Variants in MACROD2 observed in about 807,000 individuals in gnomAD.
The protein encoded by MACROD2 is ADP-ribose glycohydrolase MACROD2.
MACROD2 carries 36 observed loss-of-function variants against 70.4 expected under a neutral mutation model. The ratio of observed to expected loss-of-function variants is 0.51; its 90% CI spans 0.39 to 0.68. The LOEUF (loss-of-function observed/expected upper bound fraction) is 0.68. MACROD2 is among the 30% of genes least tolerant of loss of function. The probability of loss-of-function intolerance (pLI) is 0.00; values close to 1 mark genes in which losing one functional copy is unlikely to be tolerated. For missense variants in MACROD2, 496 were observed against 538.4 expected (o/e 0.92, Z 0.78); for synonymous variants, 172 against 178.8 (o/e 0.96, Z 0.30).
chr20:15,016,645 T>G (rs1261751088), intron 5 of MACROD2, among the ~76,000 whole-genome samples: 2 of 152,102 alleles, frequency 1.3e-5, no homozygotes, highest in Non-Finnish European at 2.9e-5. Flanking sequence ...TATTAGTTTG[T>G]TTTCATGCTG....
chr20:15,037,216 A>G (rs1223609734), intron 5 of MACROD2, among the ~76,000 whole-genome samples: 6 of 151,954 alleles, frequency 3.9e-5, no homozygotes, highest in African/African-American at 1.2e-4. Flanking sequence ...ACATCTTTAC[A>G]TTTTTACTCT....
At chr20:14,268,984 A>G (rs62207581) in intron 3 of MACROD2, among the ~76,000 whole-genome samples, 28,107 of 152,146 alleles carry the variant, frequency 0.18, 2,873 homozygotes, top group South Asian at 0.33. Context: ...TGTTGGCGTA[A>G]TAACACACAG....
Position 14,510,735 on chromosome 20 carries a change from G to A in MACROD2, c.301+17227G>A, listed in dbSNP as rs1213137235. On this transcript the variant is annotated intron_variant, in intron 4 of 17. Coordinates refer to ENST00000684519, the MANE Select transcript of MACROD2 (RefSeq NM_001351661.2). The stretch of plus-strand genomic sequence containing the variant: ...TTTTATCTTCAGGAGGGCACAAATA[G>A]CCTCTATCTGATTTCCCTATCCCAT... 5.3e-5 allele frequency among the ~76,000 whole-genome samples: 8 copies of A among 152,140 alleles called. No homozygotes were observed. The East Asian group carries it at 1.4e-3, about 26-fold the overall frequency.
chr20:15,981,936 T>C (rs531278093), intron 13 of MACROD2, among the ~76,000 whole-genome samples: 1 of 152,264 alleles, frequency 6.6e-6, no homozygotes, highest in Admixed American at 6.5e-5. Flanking sequence ...AGACCAGTAT[T>C]GACACATTTT....
At chr20:14,294,415 A>G (rs751548420) in intron 3 of MACROD2, among the ~76,000 whole-genome samples, 3 of 151,430 alleles carry the variant, frequency 2.0e-5, no homozygotes, top group African/African-American at 2.4e-5. Flanking sequence ...GTGAGCAGTA[A>G]TCATGAGGAT....
intron 8 of MACROD2, among the ~76,000 whole-genome samples, chr20:15,772,116 A>G (rs1351720918): frequency 7.1e-6 from 1 of 141,450 alleles, no homozygotes; most frequent in African/African-American, 2.6e-5. Flanking sequence ...ATATATATAT[A>G]TATATATATA....
chr20:14,183,319 T>C (rs2081319543), intron 3 of MACROD2, among the ~76,000 whole-genome samples: 1 of 151,876 alleles, frequency 6.6e-6, no homozygotes. Context: ...CTAAGGATAA[T>C]GGCCTTTAGC....
chr20:15,792,783 A>G (rs992339844), intron 8 of MACROD2, among the ~76,000 whole-genome samples: 1 of 152,210 alleles, frequency 6.6e-6, no homozygotes, highest in African/African-American at 2.4e-5. Flanking sequence ...TGGAATATAC[A>G]TTTCTTCATG....
chr20:14,319,806 T>C (rs1396207470), intron 3 of MACROD2, among the ~76,000 whole-genome samples: 2 of 152,192 alleles, frequency 1.3e-5, no homozygotes, highest in African/African-American at 4.8e-5. Context: ...TTCTTTGATG[T>C]GGATTCTTCT....
intron 5 of MACROD2, among the ~76,000 whole-genome samples, chr20:14,788,516 G>T (rs577600793): frequency 7.4e-5 from 11 of 149,138 alleles, no homozygotes; most frequent in South Asian, 2.1e-4. Flanking sequence ...AGCTTAGGAG[G>T]TTGAGGGTGC....
Position 15,606,156 on chromosome 20 carries a change from G to A in MACROD2, c.645+106309G>A, listed in dbSNP as rs578200402. The stretch of plus-strand genomic sequence containing the variant: ...CTCCAAATCTATTCTCCGCCTGTGT[G>A]AGCCATCTGAAAAAGGCAAATTCAC... On this transcript the variant is annotated intron_variant, in intron 8 of 17. Transcript: ENST00000684519. Among the ~76,000 whole-genome samples the A allele has an allele frequency of 2.0e-5, 3 of 152,182 alleles. No individual in the cohort carries two copies. The South Asian group carries it at 6.2e-4, about 32-fold the overall frequency.
chr20:14,729,971 AT>A (rs140459702), intron 5 of MACROD2, among the ~76,000 whole-genome samples: 1,855 of 152,190 alleles, frequency 0.012, 39 homozygotes, highest in African/African-American at 0.042. Flanking sequence ...TTATTAAACC[AT>A]TTTTTTAGGA....
At chr20:15,832,696 G>A (rs530532956) in intron 8 of MACROD2, among the ~76,000 whole-genome samples, 68 of 152,348 alleles carry the variant, frequency 4.5e-4, no homozygotes, top group African/African-American at 1.5e-3. Context: ...GGCACACAAA[G>A]CCGAACAGGG....
At position 15,551,847 on chromosome 20, in the gene MACROD2, A is replaced by G. The variant is rs1600577295; in HGVS notation, c.645+52000A>G. Among the ~76,000 whole-genome samples, 5 of 144,558 alleles carry G rather than the reference A, an allele frequency of 3.5e-5. 1 individual carries two copies. 94.8% of individuals were successfully genotyped at this position (144,558 alleles called of 152,430 possible). Reference sequence around the variant, plus strand: ...TAGCATCCCTGCACTCCAGCCTGGCAGACAGAGTGAGACCCTGCCTCAAAA... The same window carrying G: ...TAGCATCCCTGCACTCCAGCCTGGCGGACAGAGTGAGACCCTGCCTCAAAA... On this transcript the variant is annotated intron_variant, in intron 8 of 17. Transcript: ENST00000684519.
intron 5 of MACROD2, among the ~76,000 whole-genome samples, chr20:14,901,951 T>G (rs2122553133): frequency 6.6e-6 from 1 of 152,250 alleles, no homozygotes; most frequent in African/African-American, 2.4e-5. Context: ...GAAGTCTATG[T>G]CAAAGCTTTC....
At chr20:16,049,764 A>G in intron 17 of MACROD2, 66 bp from the exon 18 acceptor site, 13 of 1,539,070 alleles carry the variant, frequency 8.4e-6, no homozygotes, top group Admixed American at 1.7e-5. Context: ...TTAAAAATGT[A>G]TTCCTTGCTA....
intron 10 of MACROD2, among the ~76,000 whole-genome samples, chr20:15,891,960 C>A (rs954654973): frequency 2.6e-5 from 4 of 152,040 alleles, no homozygotes; most frequent in African/African-American, 9.7e-5. Flanking sequence ...GCTACGGGAG[C>A]CAAGAAACTT....
chr20:14,756,917 T>C (rs2071948847), intron 5 of MACROD2, among the ~76,000 whole-genome samples: 1 of 152,078 alleles, frequency 6.6e-6, no homozygotes, highest in Admixed American at 6.6e-5. Context: ...CCCTTGGCTC[T>C]TTTCTCATTC....
chr20:14,473,769 G>T (rs2084557922), intron 3 of MACROD2, among the ~76,000 whole-genome samples: 2 of 152,148 alleles, frequency 1.3e-5, no homozygotes, highest in Admixed American at 1.3e-4. Flanking sequence ...TCCACTAACA[G>T]TGTGTAAGAG....
Sources: allele counts gnomAD v4.1 joint callset (sites outside exome capture counted in the v4.1 genomes callset), GRCh38; gene constraint gnomAD v4.1.1; transcripts MANE v1.5; gene names NCBI Gene and HGNC (gene_info 2026-07-23, HGNC 2026-07-21).